Variants in CHRM3 observed in about 807,000 individuals in gnomAD.
CHRM3 encodes muscarinic acetylcholine receptor M3.
Under a neutral mutation model 41.8 loss-of-function variants are expected in CHRM3, and 11 were observed. The ratio of observed to expected loss-of-function variants is 0.26; its 90% CI spans 0.17 to 0.44. CHRM3 has a LOEUF of 0.44. Ranked by LOEUF, CHRM3 falls within the 20% of genes least tolerant of loss-of-function variation. The pLI is 1.00. For synonymous variants in CHRM3, 297 were observed against 301.4 expected, an observed-to-expected ratio of 0.99 and a Z score of 0.15; for missense variants, 571 against 745.4, an observed-to-expected ratio of 0.77 and a Z score of 2.72.
At chr1:239,834,372 G>A (rs1673141246) in intron 6 of CHRM3, among the ~76,000 whole-genome samples, 1 of 147,452 alleles carries the variant, frequency 6.8e-6, no homozygotes, top group South Asian at 2.1e-4. Context: ...GAGTGCGATG[G>A]CACAATCTCG....
chr1:239,487,001 C>T (rs945975466), intron 1 of CHRM3, among the ~76,000 whole-genome samples: 2 of 152,126 alleles, frequency 1.3e-5, no homozygotes, highest in African/African-American at 4.8e-5. Context: ...ATTGCAATTC[C>T]AATTTCTAGA....
intron 2 of CHRM3, among the ~76,000 whole-genome samples, chr1:239,539,284 T>C (rs1218653072): frequency 6.6e-6 from 1 of 152,196 alleles, no homozygotes; most frequent in Non-Finnish European, 1.5e-5. Context: ...TCAATGAGAA[T>C]AAGAGAATGT....
chr1:239,835,839 C>T (rs949640447), intron 6 of CHRM3, among the ~76,000 whole-genome samples: 2 of 152,164 alleles, frequency 1.3e-5, no homozygotes, highest in African/African-American at 2.4e-5. Flanking sequence ...GAAGGATGAA[C>T]GAACATGGAC....
chr1:239,579,111 G>A (rs534680912), intron 3 of CHRM3, among the ~76,000 whole-genome samples: 1 of 152,184 alleles, frequency 6.6e-6, no homozygotes, highest in African/African-American at 2.4e-5. Flanking sequence ...AATATTCGTT[G>A]AGTGAATGAT....
At chr1:239,502,738 G>A (rs1215746997) in intron 2 of CHRM3, among the ~76,000 whole-genome samples, 1 of 151,848 alleles carries the variant, frequency 6.6e-6, no homozygotes, top group Admixed American at 6.6e-5. Flanking sequence ...AATCCACCAT[G>A]ATCAAGTGGG....
At chr1:239,496,787 G>A (rs982733767) in intron 2 of CHRM3, among the ~76,000 whole-genome samples, 1 of 152,024 alleles carries the variant, frequency 6.6e-6, no homozygotes, top group Middle Eastern at 3.4e-3. Flanking sequence ...GGTCCTCTTT[G>A]GTTGCATGTA....
chr1:239,713,780 T>C (rs2148251222), intron 5 of CHRM3, among the ~76,000 whole-genome samples: 1 of 152,326 alleles, frequency 6.6e-6, no homozygotes, highest in African/African-American at 2.4e-5. Flanking sequence ...ATGATTACTC[T>C]CTTTCACTAA....
chr1:239,643,363 C>G (rs1367199041), intron 4 of CHRM3, among the ~76,000 whole-genome samples: 2 of 152,192 alleles, frequency 1.3e-5, no homozygotes, highest in Non-Finnish European at 2.9e-5. Flanking sequence ...TGTGCCCTGC[C>G]CCCAGAGGTG....
intron 5 of CHRM3, among the ~76,000 whole-genome samples, chr1:239,741,749 A>T (rs1664869527): frequency 1.3e-5 from 2 of 152,172 alleles, no homozygotes; most frequent in African/African-American, 4.8e-5. Flanking sequence ...ATGCAAAAAA[A>T]CCCACGTCTT....
At position 239,404,410 on chromosome 1, in the gene CHRM3, A is replaced by AAAAGAAAG. The variant is rs1170633500; in HGVS notation, c.-521+17235_-521+17242dup. On this transcript the variant is annotated intron_variant, in intron 1 of 6. Coordinates refer to ENST00000676153, the MANE Select transcript of CHRM3 (RefSeq NM_001375978.1). The stretch of plus-strand genomic sequence containing the variant: ...AAAGAAAGAAAGAAAGAAAGAAAGA[A>AAAAGAAAG]AAAGAAAGAAAGAAAGAAAGAAAGA... Among the ~76,000 whole-genome samples, 193 of 51,738 alleles carry AAAAGAAAG rather than the reference A, an allele frequency of 3.7e-3. 2 individuals are homozygous for AAAAGAAAG. Among genetic ancestry groups the AAAAGAAAG allele is most frequent in the African/African-American group, 8.4e-3 (131 of 15,552 alleles). The allele number at this position is 51,738 out of a possible 152,430, so 33.9% of individuals were successfully genotyped here. A position where few individuals can be genotyped will look rare whatever the true frequency, so the allele number is the denominator to read the frequency against.
rs1680207614 is a variant in CHRM3 at position 239,909,148 on chromosome 1, A to G, written c.1697A>G (p.Lys566Arg). 1 of 1,614,012 alleles carries G rather than the reference A, an allele frequency of 6.2e-7. No individual in the cohort carries two copies. Among genetic ancestry groups the G allele is most frequent in the Admixed American group, 1.7e-5 (1 of 60,004 alleles). ...CTGCTGCTGTGCCAGTGTGACAAAA[A>G]AAAGAGGCGCAAGCAGCAGTACCAG... is the stretch of plus-strand genomic sequence containing the variant. ...KMLLLCQCDK[K>R]KRRKQQYQQR... Residue 566 changes from lysine to arginine, a missense_variant, in exon 7 of 7, where the codon AAA (lysine) becomes AGA (arginine). By Grantham distance (26) the Lys-to-Arg change is conservative. Around this residue, in one of 5 missense-constraint regions of CHRM3, gnomAD observed 44 missense variants for 39.7 expected, o/e 1.11. Transcript: ENST00000676153.
At chr1:239,884,810 T>G (rs2102900207) in intron 6 of CHRM3, among the ~76,000 whole-genome samples, 1 of 152,286 alleles carries the variant, frequency 6.6e-6, no homozygotes, top group African/African-American at 2.4e-5. Context: ...AGTCGTAAAG[T>G]TTTTAAAATA....
chr1:239,842,455 G>A (rs561879404), intron 6 of CHRM3, among the ~76,000 whole-genome samples: 3 of 152,140 alleles, frequency 2.0e-5, no homozygotes, highest in Admixed American at 1.3e-4. Context: ...GGTTAGTCTC[G>A]AACTCCTGAC....
intron 1 of CHRM3, among the ~76,000 whole-genome samples, chr1:239,447,180 G>T (rs1274902209): frequency 3.3e-5 from 5 of 151,818 alleles, no homozygotes; most frequent in Admixed American, 3.3e-4. Flanking sequence ...TTTCATCTTG[G>T]TTTTTTTCAC....
intron 3 of CHRM3, among the ~76,000 whole-genome samples, chr1:239,606,413 C>T (rs1419628805): frequency 6.6e-6 from 1 of 151,824 alleles, no homozygotes; most frequent in African/African-American, 2.4e-5. Context: ...GTAGCTGGGA[C>T]TACAGGCGCC....
chr1:239,490,340 A>G (rs2148058454), intron 1 of CHRM3, among the ~76,000 whole-genome samples: 1 of 152,258 alleles, frequency 6.6e-6, no homozygotes, highest in Non-Finnish European at 1.5e-5. Context: ...CAATGTTTCT[A>G]AATTTATTTA....
intron 5 of CHRM3, among the ~76,000 whole-genome samples, chr1:239,715,871 T>C (rs1243313843): frequency 6.6e-6 from 1 of 151,944 alleles, no homozygotes; most frequent in African/African-American, 2.4e-5. Context: ...TACTGTTGGA[T>C]TGGAAGAAAC....
intron 3 of CHRM3, among the ~76,000 whole-genome samples, chr1:239,575,106 A>G (rs1416079080): frequency 1.3e-5 from 2 of 152,230 alleles, no homozygotes; most frequent in Non-Finnish European, 2.9e-5. Context: ...ACATCCTATG[A>G]TAAGGATTAG....
At chr1:239,426,037 G>A (rs79705905) in intron 1 of CHRM3, among the ~76,000 whole-genome samples, 1 of 151,130 alleles carries the variant, frequency 6.6e-6, no homozygotes, top group Non-Finnish European at 1.5e-5. Flanking sequence ...TGTGCACAAC[G>A]TGCAGGTTAG....
Sources: allele counts gnomAD v4.1 joint callset (sites outside exome capture counted in the v4.1 genomes callset), GRCh38; gene constraint gnomAD v4.1.1; regional missense constraint gnomAD v4.1.1; transcripts MANE v1.5; gene names NCBI Gene and HGNC (gene_info 2026-07-23, HGNC 2026-07-21).